The following EML4 variants were observed in gnomAD, a reference collection of about 807,000 sequenced individuals.
The protein encoded by EML4 is EMAP like 4, also known as echinoderm microtubule-associated protein-like 4.
A neutral mutation model predicts 129.0 loss-of-function variants in EML4; 72 were observed. The observed-to-expected ratio is 0.56, with a 90% CI of 0.46 to 0.68. The LOEUF (loss-of-function observed/expected upper bound fraction) is 0.68, where lower values mean the gene tolerates loss of function less well. EML4 is among the 30% of genes least tolerant of loss of function. EML4 has a pLI of 0.00. For missense variants in EML4, 1,363 were observed against 1,190.6 expected, an observed-to-expected ratio of 1.14 and a Z score of -2.13; for synonymous variants, 532 against 405.0, an observed-to-expected ratio of 1.31 and a Z score of -3.77.
chr2:42,177,890 C>T (rs1670697154), intron 1 of EML4, among the ~76,000 whole-genome samples: 1 of 152,120 alleles, frequency 6.6e-6, no homozygotes, highest in Admixed American at 6.5e-5. Context: ...CTTCATGGAA[C>T]ATTTAATTTC....
chr2:42,274,533 G>A (rs1465363265), intron 6 of EML4, among the ~76,000 whole-genome samples: 1 of 152,060 alleles, frequency 6.6e-6, no homozygotes, highest in Non-Finnish European at 1.5e-5. Flanking sequence ...TATGCCCAGA[G>A]CCATCTCCCT....
At chr2:42,260,140 C>T (rs1665634853) in intron 3 of EML4, among the ~76,000 whole-genome samples, 1 of 151,624 alleles carries the variant, frequency 6.6e-6, no homozygotes, top group African/African-American at 2.4e-5. Context: ...ACTGGGATTA[C>T]AGGTGTGAGC....
chr2:42,171,808 T>G (rs949254244), intron 1 of EML4, among the ~76,000 whole-genome samples: 2 of 152,186 alleles, frequency 1.3e-5, no homozygotes, highest in Non-Finnish European at 2.9e-5. Context: ...GCTTTCTCTT[T>G]CTGTCCCCCT....
chr2:42,298,096 A>T (rs1668059709), intron 13 of EML4, among the ~76,000 whole-genome samples: 1 of 152,236 alleles, frequency 6.6e-6, no homozygotes, highest in Non-Finnish European at 1.5e-5. Context: ...GTATCTACAG[A>T]ACCATTAAAA....
chr2:42,228,947 C>G (rs527502885), intron 1 of EML4, among the ~76,000 whole-genome samples: 50 of 152,176 alleles, frequency 3.3e-4, no homozygotes, highest in Non-Finnish European at 6.0e-4. Context: ...CCTGCTAATT[C>G]CAATTTAGTC....
At position 42,211,106 on chromosome 2, in the gene EML4, A is replaced by C. The variant is rs1313543989; in HGVS notation, c.26-34399A>C. Among the ~76,000 whole-genome samples, 3 of 152,158 alleles carry C rather than the reference A, an allele frequency of 2.0e-5. No homozygotes were observed. In the South Asian group the frequency reaches 6.2e-4, roughly 31 times the overall value. On this transcript the variant is annotated intron_variant, in intron 1 of 22. Coordinates refer to ENST00000318522, the MANE Select transcript of EML4 (RefSeq NM_019063.5). ...CTTTTTAGTATTTGCTTTAACATTG[A>C]TTGAAATACCTATAATGTGCTTGGT...
At chr2:42,206,039 C>G (rs184077436) in intron 1 of EML4, among the ~76,000 whole-genome samples, 1 of 152,148 alleles carries the variant, frequency 6.6e-6, no homozygotes, top group Non-Finnish European at 1.5e-5. Flanking sequence ...GCATTTATCA[C>G]TCATTTGACA....
chr2:42,293,265 C>A (rs569498281), intron 11 of EML4, among the ~76,000 whole-genome samples: 1 of 152,044 alleles, frequency 6.6e-6, no homozygotes, highest in Non-Finnish European at 1.5e-5. Flanking sequence ...CGCACCGCCA[C>A]GCCGGCTAAT....
intron 4 of EML4, 115 bp downstream of exon 4, chr2:42,261,409 A>G (rs955640402): frequency 3.5e-6 from 3 of 861,644 alleles, no homozygotes; most frequent in East Asian, 2.6e-5. Flanking sequence ...TGGTGGCTTT[A>G]TTTTTCCCTT....
intron 10 of EML4, 96 bp downstream of exon 10, chr2:42,286,475 T>G: frequency 2.2e-5 from 16 of 728,282 alleles, no homozygotes; most frequent in Non-Finnish European, 3.9e-5. Context: ...GAAGTGATAA[T>G]CCTGAGTTGA....
intron 1 of EML4, among the ~76,000 whole-genome samples, chr2:42,188,068 T>G (rs1289032215): frequency 6.6e-6 from 1 of 152,174 alleles, no homozygotes; most frequent in Non-Finnish European, 1.5e-5. Context: ...TCCAGCACAA[T>G]TGAACTAATC....
chr2:42,288,013 G>A (rs1373966332), intron 10 of EML4, among the ~76,000 whole-genome samples: 2 of 152,012 alleles, frequency 1.3e-5, no homozygotes, highest in Non-Finnish European at 1.5e-5. Context: ...GAGGGATGAG[G>A]GGATTTAAAT....
chr2:42,209,992 T>A (rs1672790367), intron 1 of EML4, among the ~76,000 whole-genome samples: 1 of 152,036 alleles, frequency 6.6e-6, no homozygotes, highest in Non-Finnish European at 1.5e-5. Context: ...TAGAACAGTT[T>A]TACATTTGCA....
At position 42,169,530 on chromosome 2, in the gene EML4, G is replaced by A. The variant is rs913862078; in HGVS notation, c.-82G>A. 7.3e-6 allele frequency: 11 copies of A among 1,509,988 alleles called. No homozygotes were observed. The highest frequency in any genetic ancestry group is 2.4e-5 in the South Asian group (2 of 83,260). The allele number at this position is 1,509,988 out of a possible 1,614,324, so 93.5% of individuals were successfully genotyped here. On this transcript the variant is annotated 5_prime_UTR_variant, in exon 1 of 23. Coordinates refer to ENST00000318522, the MANE Select transcript of EML4 (RefSeq NM_019063.5). ...GGCGACCTAGAGAACGAGCGGGTCA[G>A]GCTCAGCGTCGGCCACTCTGTCGGT...
At chr2:42,200,097 C>T (rs368670002) in intron 1 of EML4, among the ~76,000 whole-genome samples, 1 of 141,788 alleles carries the variant, frequency 7.1e-6, no homozygotes, top group African/African-American at 2.6e-5. Context: ...ATCGCGAAGT[C>T]AGGAGATTGA....
Position 42,329,968 on chromosome 2 carries a change from T to C in EML4, c.2707T>C (p.Ser903Pro). Residue 903 changes from serine to proline, a missense_variant, in exon 23 of 23, where the codon TCT becomes CCT. Transcript: ENST00000318522. ...IQSNTPTPPPSQPLNETAEEE... is the reference protein window; with the variant it reads ...IQSNTPTPPPPQPLNETAEEE... ...ATCTAATACTCCCACACCGCCTCCT[T>C]CTCAGCCCTTAAATGAGACAGCTGA... 6.2e-7 allele frequency: 1 copy of C among 1,613,836 alleles called. No individual in the cohort carries two copies. The highest frequency in any genetic ancestry group is 1.1e-5 in the South Asian group (1 of 91,056).
At chr2:42,184,281 C>T (rs1359379705) in intron 1 of EML4, among the ~76,000 whole-genome samples, 1 of 151,890 alleles carries the variant, frequency 6.6e-6, no homozygotes, top group South Asian at 2.1e-4. Context: ...ATGTGCACAA[C>T]GTGCAGGTTT....
intron 13 of EML4, among the ~76,000 whole-genome samples, chr2:42,296,871 T>C (rs1419942580): frequency 6.6e-6 from 1 of 152,200 alleles, no homozygotes; most frequent in Non-Finnish European, 1.5e-5. Flanking sequence ...TGGCATTATA[T>C]CCCGATAAAT....
rs148081060 is a variant in EML4 at position 42,174,616 on chromosome 2, A to G, written c.25+4980A>G. ...CCCTGTAGTATATTTGTATGTCGGT[A>G]TATGATCTCTTGTCCTTTAGCTGTC... On this transcript the variant is annotated intron_variant, in intron 1 of 22. Coordinates refer to ENST00000318522, the MANE Select transcript of EML4 (RefSeq NM_019063.5). Among the ~76,000 whole-genome samples the G allele has an allele frequency of 2.6e-5, 4 of 152,170 alleles. No individual in the cohort carries two copies. The East Asian group carries it at 7.8e-4, about 30-fold the overall frequency.
Sources: gnomAD v4.1 joint callset for allele counts (sites outside exome capture counted in the v4.1 genomes callset) on GRCh38, gnomAD v4.1.1 for gene constraint, MANE v1.5 for transcripts, NCBI Gene and HGNC (gene_info 2026-07-23, HGNC 2026-07-21) for gene names.